Variants in DCP1A observed in about 807,000 individuals in gnomAD.
DCP1A encodes the protein mRNA-decapping enzyme 1A.
A neutral mutation model predicts 58.0 loss-of-function variants in DCP1A; 20 were observed. The ratio of observed to expected loss-of-function variants is 0.34; its 90% CI spans 0.24 to 0.50. The LOEUF (loss-of-function observed/expected upper bound fraction) is 0.50, where lower values mean the gene tolerates loss of function less well. Ranked by LOEUF, DCP1A falls within the 20% of genes least tolerant of loss-of-function variation. The probability of loss-of-function intolerance (pLI) is 0.98; values close to 1 mark genes in which losing one functional copy is unlikely to be tolerated. For synonymous variants in DCP1A, 285 were observed against 275.1 expected (o/e 1.04, Z -0.36); for missense variants, 613 against 712.2 (o/e 0.86, Z 1.59).
chr3:53,284,906 A>C lies in DCP1A; in HGVS notation c.*2674T>G, dbSNP rs1205106204. 1 of 152,174 alleles carries C rather than the reference A, an allele frequency of 6.6e-6. No individual in the cohort carries two copies. The highest frequency in any genetic ancestry group is 1.9e-4 in the East Asian group (1 of 5,200). The allele number at this position is 152,174 out of a possible 1,614,324, so 9.4% of individuals were successfully genotyped here. Reference sequence around the variant, plus strand: ...CTTGAATTCAAAGTCAAGCAGGCCAAATCTCACACCTCATGAATCCCAGGA... The same window carrying C: ...CTTGAATTCAAAGTCAAGCAGGCCACATCTCACACCTCATGAATCCCAGGA... On this transcript the variant is annotated 3_prime_UTR_variant, in exon 10 of 10. Coordinates refer to ENST00000610213, the MANE Select transcript of DCP1A (RefSeq NM_018403.7).
At chr3:53,326,161 A>G (rs1708098233) in intron 3 of DCP1A, among the ~76,000 whole-genome samples, 1 of 152,200 alleles carries the variant, frequency 6.6e-6, no homozygotes, top group African/African-American at 2.4e-5. Context: ...AAATCTGAAT[A>G]TATTAACCCG....
chr3:53,293,907 T>G (rs782792684), intron 6 of DCP1A, among the ~76,000 whole-genome samples: 1 of 152,040 alleles, frequency 6.6e-6, no homozygotes, highest in Non-Finnish European at 1.5e-5. Context: ...CCAGGACAAC[T>G]GGTAAGGGCC....
intron 1 of DCP1A, among the ~76,000 whole-genome samples, chr3:53,346,197 C>T (rs1473661291): frequency 1.3e-5 from 2 of 152,150 alleles, no homozygotes; most frequent in African/African-American, 4.8e-5. Flanking sequence ...AAGGCAATGT[C>T]TAAAATAGCT....
At chr3:53,329,015 A>G (rs904668491) in intron 3 of DCP1A, 13 of 212,654 alleles carry the variant, frequency 6.1e-5, no homozygotes, top group African/African-American at 1.1e-4. Context: ...AAAGATATCA[A>G]AGAATGAATC....
At chr3:53,301,928 G>A (rs1178497437) in intron 6 of DCP1A, among the ~76,000 whole-genome samples, 7 of 152,150 alleles carry the variant, frequency 4.6e-5, no homozygotes, top group Non-Finnish European at 7.4e-5. Flanking sequence ...TGGATTAATA[G>A]TTGCCAGGGC....
chr3:53,338,860 C>CA (rs35824245), intron 3 of DCP1A, among the ~76,000 whole-genome samples: 42,154 of 107,930 alleles, frequency 0.39, 7,281 homozygotes, highest in Admixed American at 0.46. Context: ...GGCTCCGTCT[C>CA]AAAAAAAAAA....
intron 4 of DCP1A, among the ~76,000 whole-genome samples, chr3:53,316,626 C>T (rs1261414664): frequency 2.7e-5 from 3 of 109,750 alleles, no homozygotes; most frequent in East Asian, 2.9e-4. Context: ...TTTAATTAAA[C>T]AGAGATGAGT....
intron 5 of DCP1A, among the ~76,000 whole-genome samples, chr3:53,309,049 G>T (rs1575603423): frequency 1.3e-5 from 2 of 152,128 alleles, no homozygotes. Flanking sequence ...GCCAAGTGTG[G>T]TTTCAACTAT....
intron 3 of DCP1A, among the ~76,000 whole-genome samples, chr3:53,338,329 T>C (rs2089149780): frequency 6.6e-6 from 1 of 152,142 alleles, no homozygotes; most frequent in South Asian, 2.1e-4. Flanking sequence ...TGGTGGCCCA[T>C]GCTAGCACTT....
chr3:53,338,684 ACC>A (rs1553692223), intron 3 of DCP1A, among the ~76,000 whole-genome samples: 1 of 151,386 alleles, frequency 6.6e-6, no homozygotes, highest in Non-Finnish European at 1.5e-5. Flanking sequence ...ACACGGTGAA[ACC>A]CCGTCTCTAC....
chr3:53,292,009 A>C, intron 7 of DCP1A, 60 bp downstream of exon 7: 7 of 1,499,162 alleles, frequency 4.7e-6, no homozygotes, highest in African/African-American at 1.4e-5. Flanking sequence ...AGGTCTCTGT[A>C]GTTTCATCCC....
At chr3:53,292,043 G>A (rs782817511) in intron 7 of DCP1A, 26 bp downstream of exon 7, 1 of 1,577,336 alleles carries the variant, frequency 6.3e-7, no homozygotes, top group Admixed American at 1.8e-5. Flanking sequence ...TACCCACTCT[G>A]CCCACCCCCA....
In DCP1A at chr3:53,292,193, C is replaced by T; in HGVS notation, c.1259G>A (p.Ser420Asn). Residue 420 changes from serine (S) to asparagine (N), a missense_variant, in exon 7 of 10, where the codon AGC (serine) becomes AAC (asparagine). By Grantham distance (46) the Ser-to-Asn change is conservative. Transcript: ENST00000610213. Reference sequence around the variant, plus strand: ...TAGCTGACCAGCTGCCGGAGAAAAGCTGGCTACCATTGCACCTTTCCCAAG... The same window carrying T: ...TAGCTGACCAGCTGCCGGAGAAAAGTTGGCTACCATTGCACCTTTCCCAAG... Reference protein sequence around the residue: ...QPLGKGAMVASFSPAAGQLAT... With the variant: ...QPLGKGAMVANFSPAAGQLAT... The T allele has an allele frequency of 1.2e-6, 2 of 1,614,012 alleles. No homozygotes were observed. Among genetic ancestry groups the T allele is most frequent in the South Asian group, 1.1e-5 (1 of 91,080 alleles).
At chr3:53,300,774 A>G (rs1707289166) in intron 6 of DCP1A, among the ~76,000 whole-genome samples, 1 of 151,714 alleles carries the variant, frequency 6.6e-6, no homozygotes, top group Non-Finnish European at 1.5e-5. Context: ...TAGCCTCCTG[A>G]GTAGCTGTGA....
At chr3:53,307,902 GA>G (rs1553688263) in intron 5 of DCP1A, among the ~76,000 whole-genome samples, 4 of 152,014 alleles carry the variant, frequency 2.6e-5, no homozygotes, top group Admixed American at 6.6e-5. Flanking sequence ...TGCACATAAG[GA>G]AAAATACACA....
intron 1 of DCP1A, 127 bp downstream of exon 1, chr3:53,347,256 C>T: frequency 1.6e-6 from 2 of 1,225,166 alleles, no homozygotes; most frequent in Non-Finnish European, 2.1e-6. Context: ...GGCTCTTGGC[C>T]AGACCCTGGC....
intron 1 of DCP1A, among the ~76,000 whole-genome samples, chr3:53,345,623 T>G (rs2089282555): frequency 6.6e-6 from 1 of 152,182 alleles, no homozygotes; most frequent in African/African-American, 2.4e-5. Flanking sequence ...AGTCTGCAAT[T>G]TACAGCCTAC....
rs916055293 is a variant in DCP1A at position 53,347,308 on chromosome 3, C to T, written c.135+75G>A. 2.5e-5 allele frequency: 36 copies of T among 1,419,472 alleles called. No individual in the cohort carries two copies. The South Asian group carries it at 4.9e-4, about 19-fold the overall frequency. 87.9% of individuals were successfully genotyped at this position (1,419,472 alleles called of 1,614,324 possible). Reference sequence around the variant, plus strand: ...TGGCCTCTTAGTGTGCCCCCCCACCCCACAGTAACCCGCGCGGCCCCTTTA... The same window carrying T: ...TGGCCTCTTAGTGTGCCCCCCCACCTCACAGTAACCCGCGCGGCCCCTTTA... On this transcript the variant is annotated intron_variant, in intron 1 of 9. Coordinates refer to ENST00000610213, the MANE Select transcript of DCP1A (RefSeq NM_018403.7).
At chr3:53,306,345 C>T (rs1707471046) in intron 5 of DCP1A, among the ~76,000 whole-genome samples, 1 of 152,170 alleles carries the variant, frequency 6.6e-6, no homozygotes, top group South Asian at 2.1e-4. Flanking sequence ...ATGTGGAATG[C>T]TTGGAACTGA....
Sources: allele counts gnomAD v4.1 joint callset (sites outside exome capture counted in the v4.1 genomes callset), GRCh38; gene constraint gnomAD v4.1.1; transcripts MANE v1.5; gene names NCBI Gene and HGNC (gene_info 2026-07-23, HGNC 2026-07-21).